IKZF1: variants seen among roughly 807,000 people sequenced by gnomAD.
The protein encoded by IKZF1 is IKAROS family zinc finger 1.
Under a neutral mutation model 51.7 loss-of-function variants are expected in IKZF1, and 10 were observed. That is an observed-to-expected ratio of 0.19 (90% confidence interval 0.12 to 0.33). IKZF1 has a LOEUF of 0.33. Among genes scored for constraint, IKZF1 ranks in the 10% least tolerant of loss-of-function variants. IKZF1 has a pLI of 1.00. For missense variants in IKZF1, 484 were observed against 707.5 expected (o/e 0.68, Z 3.58); for synonymous variants, 280 against 282.3 (o/e 0.99, Z 0.08).
At chr7:50,345,865 T>C (rs1350565607) in intron 3 of IKZF1, among the ~76,000 whole-genome samples, 2 of 152,168 alleles carry the variant, frequency 1.3e-5, no homozygotes, top group Non-Finnish European at 2.9e-5. Context: ...AGGTGAAACC[T>C]CATCTCTACT....
In IKZF1 at chr7:50,365,088, A is replaced by G. The variant is rs573452879; in HGVS notation, c.161-11445A>G. ...ACACATCTTCCAGTGCCTCTCAAGC[A>G]TCATAAAAACAGCTTCCACAAAACC... On this transcript the variant is annotated intron_variant, in intron 3 of 7. Transcript: ENST00000331340. Among the ~76,000 whole-genome samples the G allele has an allele frequency of 8.5e-5, 13 of 152,364 alleles. No homozygotes were observed. In the South Asian group the frequency reaches 1.9e-3, roughly 22 times the overall value.
intron 7 of IKZF1, among the ~76,000 whole-genome samples, chr7:50,392,647 G>T (rs1409829504): frequency 6.6e-6 from 1 of 152,194 alleles, no homozygotes; most frequent in East Asian, 1.9e-4. Flanking sequence ...CAGGGTGATT[G>T]TGAATATCCC....
intron 3 of IKZF1, among the ~76,000 whole-genome samples, chr7:50,339,545 T>C (rs1203572020): frequency 1.3e-5 from 2 of 151,988 alleles, no homozygotes; most frequent in African/African-American, 4.8e-5. Context: ...GGTCAGGAGT[T>C]TGAGACCAGC....
At chr7:50,326,664 C>G (rs747028066) in intron 2 of IKZF1, among the ~76,000 whole-genome samples, 20 of 152,222 alleles carry the variant, frequency 1.3e-4, no homozygotes, top group Non-Finnish European at 2.6e-4. Flanking sequence ...TTCTGTAAAA[C>G]CCGATTTCAT....
chr7:50,370,986 G>A lies in IKZF1; in HGVS notation c.161-5547G>A, dbSNP rs140831632. 7.9e-3 allele frequency among the ~76,000 whole-genome samples: 1,201 copies of A among 152,252 alleles called. 14 individuals carry two copies. Among genetic ancestry groups the A allele is most frequent in the African/African-American group, 0.023 (961 of 41,544 alleles). The stretch of plus-strand genomic sequence containing the variant: ...ATTTAGGAACTCACAGAAGGGCACG[G>A]CCAGGCAACTCGGGCCCTGGCAAAT... On this transcript the variant is annotated intron_variant, in intron 3 of 7. Transcript: ENST00000331340.
intron 3 of IKZF1, among the ~76,000 whole-genome samples, chr7:50,364,401 T>A (rs914615145): frequency 6.6e-6 from 1 of 152,346 alleles, no homozygotes. Flanking sequence ...TAAGTTAAAT[T>A]TGCTCTTGAT....
At chr7:50,392,754 C>A (rs2153503561) in intron 7 of IKZF1, among the ~76,000 whole-genome samples, 1 of 152,256 alleles carries the variant, frequency 6.6e-6, no homozygotes, top group African/African-American at 2.4e-5. Flanking sequence ...GGCTGAGATG[C>A]ACTTTGGAAG....
chr7:50,358,465 G>A (rs1482093399), intron 3 of IKZF1, among the ~76,000 whole-genome samples: 1 of 152,228 alleles, frequency 6.6e-6, no homozygotes, highest in African/African-American at 2.4e-5. Context: ...GCTAATGGCG[G>A]GGACCTGGCA....
At chr7:50,331,078 T>C (rs964279801) in intron 3 of IKZF1, among the ~76,000 whole-genome samples, 98 of 152,170 alleles carry the variant, frequency 6.4e-4, no homozygotes, top group African/African-American at 2.3e-3. Context: ...ATAGACATAA[T>C]TTGTTGAAGA....
intron 6 of IKZF1, chr7:50,388,506 A>C (rs565020179): frequency 6.6e-6 from 1 of 152,356 alleles, no homozygotes; most frequent in African/African-American, 2.4e-5. Flanking sequence ...CTGCAGCCAG[A>C]GTGCTGTCTC....
intron 3 of IKZF1, among the ~76,000 whole-genome samples, chr7:50,375,713 C>A (rs1369903010): frequency 6.0e-4 from 80 of 132,420 alleles, no homozygotes; most frequent in African/African-American, 2.0e-3. Flanking sequence ...CCACCCCCCC[C>A]CCCCACCCAC....
chr7:50,318,969 G>T, intron 1 of IKZF1, 79 bp from the exon 2 acceptor site: 1 of 856,198 alleles, frequency 1.2e-6, no homozygotes, highest in Non-Finnish European at 2.0e-6. Context: ...AATAGCATAG[G>T]GGTTCTTTAT....
chr7:50,399,874 C>G (rs1014337844), intron 7 of IKZF1, 44 bp from the exon 8 acceptor site: 1 of 1,570,298 alleles, frequency 6.4e-7, no homozygotes, highest in South Asian at 1.2e-5. Context: ...CTGACCGGTT[C>G]CGGAGGTGGC....
intron 3 of IKZF1, among the ~76,000 whole-genome samples, chr7:50,354,371 C>G (rs1802676663): frequency 6.6e-6 from 1 of 152,246 alleles, no homozygotes. Context: ...GAGCATCATT[C>G]TGCTTTCTGG....
chr7:50,403,562 C>G lies in IKZF1; in HGVS notation c.*2935C>G, dbSNP rs542843642. 4.3e-6 allele frequency: 1 copy of G among 229,968 alleles called. No individual in the cohort carries two copies. Among genetic ancestry groups the G allele is most frequent in the East Asian group, 6.1e-5 (1 of 16,310 alleles). 14.2% of individuals were successfully genotyped at this position (229,968 alleles called of 1,614,324 possible). ...GATGTGGAAAGCCTGGATCTCAGCT[C>G]CTTGCCCCATATCCCTTCTGTAATT... On this transcript the variant is annotated 3_prime_UTR_variant, in exon 8 of 8. Coordinates refer to ENST00000331340, the MANE Select transcript of IKZF1 (RefSeq NM_006060.6).
intron 3 of IKZF1, among the ~76,000 whole-genome samples, chr7:50,338,155 C>T (rs924497158): frequency 2.0e-5 from 3 of 152,136 alleles, no homozygotes; most frequent in Non-Finnish European, 4.4e-5. Flanking sequence ...TTCAACCATG[C>T]TTGCAGTGAT....
At chr7:50,356,640 T>TA in intron 3 of IKZF1, among the ~76,000 whole-genome samples, 1 of 152,346 alleles carries the variant, frequency 6.6e-6, no homozygotes, top group East Asian at 1.9e-4. Flanking sequence ...TCCTTACTCT[T>TA]ACTTCCCTTT....
At chr7:50,334,977 T>G (rs1177992626) in intron 3 of IKZF1, among the ~76,000 whole-genome samples, 2 of 150,758 alleles carry the variant, frequency 1.3e-5, no homozygotes, top group Non-Finnish European at 3.0e-5. Context: ...GCAAGTAATA[T>G]GTATATGTGT....
chr7:50,352,293 T>C (rs534956620), intron 3 of IKZF1, among the ~76,000 whole-genome samples: 1 of 152,350 alleles, frequency 6.6e-6, no homozygotes, highest in African/African-American at 2.4e-5. Context: ...GTATTATCTG[T>C]CTCTTCCTCT....
Sources: gnomAD v4.1 joint callset for allele counts (sites outside exome capture counted in the v4.1 genomes callset) on GRCh38, gnomAD v4.1.1 for gene constraint, MANE v1.5 for transcripts, NCBI Gene and HGNC (gene_info 2026-07-23, HGNC 2026-07-21) for gene names.